Variants in ESPNL observed in about 807,000 individuals in gnomAD.
The protein encoded by ESPNL is espin-like protein.
ESPNL carries 49 observed loss-of-function variants against 46.8 expected under a neutral mutation model. That is an observed-to-expected ratio of 1.05 (90% CI 0.83 to 1.33). The LOEUF is 1.33. Ranked by LOEUF, ESPNL falls within the 40% of genes most tolerant of loss-of-function variation. The probability of loss-of-function intolerance (pLI) is 0.00; values close to 1 mark genes in which losing one functional copy is unlikely to be tolerated. For synonymous variants in ESPNL, 664 were observed against 662.1 expected (o/e 1.00, Z -0.04); for missense variants, 1,540 against 1,436.6 (o/e 1.07, Z -1.16).
intron 6 of ESPNL, among the ~76,000 whole-genome samples, chr2:238,125,767 T>TTGGAGTGGAGTGGAGTGGAGTGGAG (rs370332974): frequency 1.2e-3 from 179 of 146,388 alleles, no homozygotes; most frequent in African/African-American, 2.0e-3. Context: ...TGTGACCAGC[T>TTGGAGTGGAGTGGAGTGGAGTGGAG]TGGAGTGGAG....
intron 2 of ESPNL, among the ~76,000 whole-genome samples, 173 bp downstream of exon 2, chr2:238,102,304 T>C (rs1691503666): frequency 1.3e-5 from 2 of 152,150 alleles, no homozygotes; most frequent in Admixed American, 6.5e-5. Context: ...ATGAGGCCTC[T>C]ACCCACAGGC....
rs775331665 is a variant in ESPNL, at chr2:238,100,470, G to A, written c.51G>A (p.Thr17=). ...CCGCCAAGGATGGGGATGTGGCGAC[G>A]TTGGAGCGGCTGCTGGAGGCTGGCG... is the stretch of plus-strand genomic sequence containing the variant. ...LVAAKDGDVA[T]LERLLEAGAL... Residue 17 remains threonine, a synonymous_variant, in exon 1 of 9, where the codon ACG becomes ACA. Transcript: ENST00000343063. 1.6e-5 allele frequency: 25 copies of A among 1,604,862 alleles called. No homozygotes were observed. The East Asian group carries it at 2.9e-4, about 19-fold the overall frequency.
chr2:238,110,641 G>A (rs550680131), intron 4 of ESPNL, among the ~76,000 whole-genome samples: 1 of 106,250 alleles, frequency 9.4e-6, no homozygotes, highest in South Asian at 3.2e-4. Context: ...ATATGATACC[G>A]AGTGTCCCTT....
rs768123162 is a variant in ESPNL at position 238,131,660 on chromosome 2, C to T, written c.2946C>T (p.Ile982=). 23 of 1,604,948 alleles carry T rather than the reference C, an allele frequency of 1.4e-5. No individual in the cohort carries two copies. Among genetic ancestry groups the T allele is most frequent in the Non-Finnish European group, 2.0e-5 (23 of 1,173,402 alleles). ...SQQGSFNGED[I]CGYINRSFAF... ...AGGGCAGCTTCAACGGTGAGGACAT[C>T]TGCGGCTACATCAACCGCAGCTTTG... The change falls in exon 9 of 9, where the codon ATC becomes ATT. Residue 982 remains isoleucine (I), a synonymous_variant. Transcript: ENST00000343063.
Position 238,131,373 on chromosome 2 carries a change from G to A in ESPNL, c.2659G>A (p.Glu887Lys), listed in dbSNP as rs938798177. ...LRHLLCFEVF[E>K]HLGTHGWEAV... is the part of the protein sequence containing the mutation. The stretch of plus-strand genomic sequence containing the variant: ...CCACCTGCTGTGCTTCGAGGTCTTC[G>A]AGCACCTGGGCACCCACGGCTGGGA... The change falls in exon 9 of 9, where the codon GAG (glutamate) becomes AAG (lysine). Residue 887 changes from glutamate to lysine, a missense_variant. Physicochemically the swap from Glu to Lys is moderately conservative, Grantham distance 56. Coordinates refer to ENST00000343063, the MANE Select transcript of ESPNL (RefSeq NM_194312.4). The A allele has an allele frequency of 8.1e-6, 13 of 1,603,188 alleles. No individual in the cohort carries two copies. Among genetic ancestry groups the A allele is most frequent in the South Asian group, 7.8e-5 (7 of 89,698 alleles).
intron 5 of ESPNL, among the ~76,000 whole-genome samples, chr2:238,121,286 G>A (rs1002033690): frequency 2.6e-5 from 4 of 152,316 alleles, no homozygotes; most frequent in African/African-American, 2.4e-5. Context: ...CTCCATGCTC[G>A]GGGAGCAGAG....
chr2:238,131,086 G>T lies in ESPNL; in HGVS notation c.2372G>T (p.Gly791Val). 6.5e-7 allele frequency: 1 copy of T among 1,541,706 alleles called. No homozygotes were observed. Among genetic ancestry groups the T allele is most frequent in the Non-Finnish European group, 8.7e-7 (1 of 1,145,334 alleles). The change falls in exon 9 of 9, where the codon GGC becomes GTC. Residue 791 changes from glycine to valine, a missense_variant. By Grantham distance (109) the Gly-to-Val change is moderately radical. Transcript: ENST00000343063. Reference sequence around the variant, plus strand: ...GGGCCACCCTCCCCGCCCAGCGAGGGCCCCCGGCTGGGCCACCTGTGGCAG... The same window carrying T: ...GGGCCACCCTCCCCGCCCAGCGAGGTCCCCCGGCTGGGCCACCTGTGGCAG... ...SPGPPSPPSE[G>V]PRLGHLWQQR... is the part of the protein sequence containing the mutation.
chr2:238,113,980 C>G (rs1691763941), intron 4 of ESPNL, among the ~76,000 whole-genome samples: 1 of 152,200 alleles, frequency 6.6e-6, no homozygotes, highest in Non-Finnish European at 1.5e-5. Flanking sequence ...CTCCTGACTT[C>G]TGCGTTACCT....
chr2:238,102,612 G>A (rs1559257567), intron 2 of ESPNL, among the ~76,000 whole-genome samples: 1 of 152,114 alleles, frequency 6.6e-6, no homozygotes, highest in Non-Finnish European at 1.5e-5. Context: ...AGAGCCGGGC[G>A]CTGGCCTCAT....
At chr2:238,125,249 A>G (rs976454377) in intron 5 of ESPNL, 21 bp from the exon 6 acceptor site, 2 of 1,309,002 alleles carry the variant, frequency 1.5e-6, no homozygotes, top group Admixed American at 2.5e-5. Flanking sequence ...TCCCCCACTG[A>G]CCAGGCCCAT....
At position 238,128,870 on chromosome 2, in the gene ESPNL, C is replaced by G; in HGVS notation, c.1379C>G (p.Ala460Gly). 6.5e-7 allele frequency: 1 copy of G among 1,545,252 alleles called. No homozygotes were observed. Among genetic ancestry groups the G allele is most frequent in the South Asian group, 1.2e-5 (1 of 83,954 alleles). ...CAGGTGATGGTGCGGAAGCTGCAGG[C>G]GCGCCTGGGCGCAGAGAGCTCCGCA... ...KRQVMVRKLQARLGAESSAEA... is the reference protein window; with the variant it reads ...KRQVMVRKLQGRLGAESSAEA... Residue 460 changes from alanine to glycine, a missense_variant, in exon 8 of 9, where the codon GCG becomes GGG. Physicochemically the swap from Ala to Gly is moderately conservative, Grantham distance 60 (BLOSUM62 0). Coordinates refer to ENST00000343063, the MANE Select transcript of ESPNL (RefSeq NM_194312.4).
intron 5 of ESPNL, among the ~76,000 whole-genome samples, chr2:238,123,126 G>A (rs996170678): frequency 6.6e-6 from 1 of 152,184 alleles, no homozygotes; most frequent in African/African-American, 2.4e-5. Context: ...TCTGAGGACC[G>A]TTGAGTCTGG....
At position 238,131,243 on chromosome 2, in the gene ESPNL, G is replaced by GGAC. The variant is rs1692325647; in HGVS notation, c.2531_2533dup (p.Asp844dup). ...CCCCCGAGCAGTTCCTGCCCCACGTGGACGGGGCTCCGGTGCCCTACAGCA... is the reference window on the plus strand; with the variant it reads ...CCCCCGAGCAGTTCCTGCCCCACGTGGACGACGGGGCTCCGGTGCCCTACAGCA... On this transcript the variant is annotated inframe_insertion, in exon 9 of 9. Coordinates refer to ENST00000343063, the MANE Select transcript of ESPNL (RefSeq NM_194312.4). The GGAC allele has an allele frequency of 6.4e-7, 1 of 1,566,470 alleles. No homozygotes were observed. The highest frequency in any genetic ancestry group is 1.4e-5 in the African/African-American group (1 of 73,936).
rs1574744833 is a variant in ESPNL, at chr2:238,127,381, C to T, written c.1103-241C>T. ...TCCCCTGCTGCAGGAGGGGCCGCGG[C>T]GTGGCCCAGCGGTGTGCCGCAGGCT... On this transcript the variant is annotated intron_variant, in intron 6 of 8. Transcript: ENST00000343063. 3.1e-6 allele frequency: 4 copies of T among 1,287,064 alleles called. 1 individual carries two copies. In the Admixed American group the frequency reaches 1.2e-4, roughly 39 times the overall value. The allele number at this position is 1,287,064 out of a possible 1,614,324, so 79.7% of individuals were successfully genotyped here. A position where few individuals can be genotyped will look rare whatever the true frequency, so the allele number is the denominator to read the frequency against.
chr2:238,113,192 A>C (rs1008851154), intron 4 of ESPNL, among the ~76,000 whole-genome samples: 5 of 152,116 alleles, frequency 3.3e-5, no homozygotes, highest in Non-Finnish European at 7.4e-5. Flanking sequence ...TTCTATACTT[A>C]TTTGATGGTG....
In ESPNL at chr2:238,104,711, G is replaced by C. The variant is rs201383533; in HGVS notation, c.541G>C (p.Glu181Gln). Residue 181 changes from glutamate to glutamine, a missense_variant, in exon 3 of 9, where the codon GAG becomes CAG. Glu to Gln is a conservative substitution (Grantham distance 29, BLOSUM62 2). Coordinates refer to ENST00000343063, the MANE Select transcript of ESPNL (RefSeq NM_194312.4). ...CTCCCCACTCTACCTGGCCTGCCAGGAGGGCCACCTGCACCTGGCCCAGTT... is the reference window on the plus strand; with the variant it reads ...CTCCCCACTCTACCTGGCCTGCCAGCAGGGCCACCTGCACCTGGCCCAGTT... ...GASPLYLACQ[E>Q]GHLHLAQFLV... 1.3e-5 allele frequency: 21 copies of C among 1,607,922 alleles called. No homozygotes were observed. The highest frequency in any genetic ancestry group is 1.8e-5 in the Non-Finnish European group (21 of 1,178,308).
intron 4 of ESPNL, among the ~76,000 whole-genome samples, 183 bp downstream of exon 4, chr2:238,108,156 A>T (rs943158264): frequency 1.3e-5 from 2 of 152,148 alleles, no homozygotes; most frequent in Non-Finnish European, 2.9e-5. Flanking sequence ...AAGTGGCAAG[A>T]TCCAAGCTCT....
Position 238,117,026 on chromosome 2 carries a change from G to A in ESPNL, c.979G>A (p.Ala327Thr), listed in dbSNP as rs1460955654. The change falls in exon 5 of 9, where the codon GCC becomes ACC. Residue 327 changes from alanine (A) to threonine (T), a missense_variant. Physicochemically the swap from Ala to Thr is moderately conservative, Grantham distance 58. Coordinates refer to ENST00000343063, the MANE Select transcript of ESPNL (RefSeq NM_194312.4). ...RDCAQYLREV[A>T]QPVPLLMTPP... ...CTGCGCCCAGTACCTGCGGGAGGTG[G>A]CCCAGCCGGTAAGGCTCAGGGTCCC... is the stretch of plus-strand genomic sequence containing the variant. 1 of 1,609,172 alleles carries A rather than the reference G, an allele frequency of 6.2e-7. No individual in the cohort carries two copies. Among genetic ancestry groups the A allele is most frequent in the African/African-American group, 1.3e-5 (1 of 74,896 alleles).
chr2:238,122,929 C>T (rs1333266842), intron 5 of ESPNL, among the ~76,000 whole-genome samples: 3 of 152,352 alleles, frequency 2.0e-5, no homozygotes, highest in East Asian at 1.9e-4. Flanking sequence ...CTTGAAGCAG[C>T]GACGCCAGCC....
Sources: allele counts gnomAD v4.1 joint callset (sites outside exome capture counted in the v4.1 genomes callset), GRCh38; gene constraint gnomAD v4.1.1; transcripts MANE v1.5; gene names NCBI Gene and HGNC (gene_info 2026-07-23, HGNC 2026-07-21).